The following PITPNA variants were observed in gnomAD, a reference collection of about 807,000 sequenced individuals.
PITPNA encodes the protein phosphatidylinositol transfer protein alpha.
A neutral mutation model predicts 50.3 loss-of-function variants in PITPNA; 13 were observed. That is an observed-to-expected ratio of 0.26 (90% CI 0.17 to 0.41). The LOEUF (loss-of-function observed/expected upper bound fraction) is 0.41, where lower values mean the gene tolerates loss of function less well. PITPNA is among the 10% of genes least tolerant of loss of function. The probability of loss-of-function intolerance (pLI) is 1.00; values close to 1 mark genes in which losing one functional copy is unlikely to be tolerated. For missense variants in PITPNA, 207 were observed against 333.4 expected, an observed-to-expected ratio of 0.62 and a Z score of 2.95; for synonymous variants, 120 against 119.6, an observed-to-expected ratio of 1.00 and a Z score of -0.02.
At chr17:1,535,366 C>T in intron 8 of PITPNA, 74 bp from the exon 9 acceptor site, 1 of 1,501,540 alleles carries the variant, frequency 6.7e-7, no homozygotes. Flanking sequence ...CTCACCCCAG[C>T]CATGCCCCTC....
intron 3 of PITPNA, among the ~76,000 whole-genome samples, chr17:1,552,118 G>A (rs966443636): frequency 1.3e-5 from 2 of 152,224 alleles, no homozygotes; most frequent in African/African-American, 4.8e-5. Flanking sequence ...AAAGTCAATT[G>A]ATTTCAGTTC....
At chr17:1,554,172 C>A (rs1399745093) in intron 2 of PITPNA, among the ~76,000 whole-genome samples, 1 of 152,124 alleles carries the variant, frequency 6.6e-6, no homozygotes, top group East Asian at 1.9e-4. Flanking sequence ...AGAAAATGAA[C>A]AGCAACATTT....
rs528688036 is a variant in PITPNA at position 1,524,068 on chromosome 17, G to A, written c.769-2423C>T. ...TTCTTTTTTTTTTTTTTTTTGAGACGGAGTCTCGCTCAGTCACCCAGGCTG... is the reference window on the plus strand; with the variant it reads ...TTCTTTTTTTTTTTTTTTTTGAGACAGAGTCTCGCTCAGTCACCCAGGCTG... On this transcript the variant is annotated intron_variant, in intron 10 of 11. Transcript: ENST00000313486. Among the ~76,000 whole-genome samples the A allele has an allele frequency of 9.6e-5, 14 of 145,902 alleles. No individual in the cohort carries two copies. In the East Asian group the frequency reaches 2.0e-3, roughly 21 times the overall value.
intron 4 of PITPNA, among the ~76,000 whole-genome samples, chr17:1,546,980 C>A (rs1327789067): frequency 6.6e-6 from 1 of 152,080 alleles, no homozygotes; most frequent in East Asian, 1.9e-4. Flanking sequence ...GAATACTATG[C>A]AGCTATTATA....
At chr17:1,541,899 A>C in intron 5 of PITPNA, 1 of 564,632 alleles carries the variant, frequency 1.8e-6, no homozygotes, top group Non-Finnish European at 3.5e-6. Context: ...AGGTGACTTA[A>C]CCAAAGTCAC....
rs1287134477 is a variant in PITPNA at position 1,519,241 on chromosome 17, C to G, written c.*1320G>C. 2 of 152,356 alleles carry G rather than the reference C, an allele frequency of 1.3e-5. No homozygotes were observed. Among genetic ancestry groups the G allele is most frequent in the African/African-American group, 4.8e-5 (2 of 41,454 alleles). 9.4% of individuals were successfully genotyped at this position (152,356 alleles called of 1,614,324 possible). A position where few individuals can be genotyped will look rare whatever the true frequency, so the allele number is the denominator to read the frequency against. ...AGGCTAGTGTGGGCTGGGATCACGG[C>G]ACACTTAGGCCAACGTGCTTCACAA... On this transcript the variant is annotated 3_prime_UTR_variant, in exon 12 of 12. Coordinates refer to ENST00000313486, the MANE Select transcript of PITPNA (RefSeq NM_006224.4).
chr17:1,527,527 C>G (rs1459824063), intron 10 of PITPNA, among the ~76,000 whole-genome samples: 2 of 152,304 alleles, frequency 1.3e-5, no homozygotes, highest in East Asian at 3.9e-4. Context: ...CAGGTGTGAG[C>G]CACCGTGCCC....
At chr17:1,525,522 T>G (rs2151002498) in intron 10 of PITPNA, among the ~76,000 whole-genome samples, 1 of 148,820 alleles carries the variant, frequency 6.7e-6, no homozygotes, top group African/African-American at 2.5e-5. Flanking sequence ...TTTTTTTTTT[T>G]TTTTTTGAGA....
At chr17:1,541,916 C>T (rs998312554) in intron 5 of PITPNA, 29 of 545,180 alleles carry the variant, frequency 5.3e-5, no homozygotes, top group African/African-American at 2.6e-4. Context: ...TCACAGAGAT[C>T]GGGCCAGGCA....
In PITPNA at chr17:1,548,517, G is replaced by A. The variant is rs1598411309; in HGVS notation, c.198-130C>T. ...CATGCAATGAGCAGGTTACTGGTGGGAGTGAGAAGTTACGTATGAGAGCCT... is the reference window on the plus strand; with the variant it reads ...CATGCAATGAGCAGGTTACTGGTGGAAGTGAGAAGTTACGTATGAGAGCCT... On this transcript the variant is annotated intron_variant, in intron 3 of 11. Transcript: ENST00000313486. 5 of 631,084 alleles carry A rather than the reference G, an allele frequency of 7.9e-6. No individual in the cohort carries two copies. The East Asian group carries it at 1.5e-4, about 19-fold the overall frequency. 39.1% of individuals were successfully genotyped at this position (631,084 alleles called of 1,614,324 possible).
chr17:1,539,862 G>A (rs1206955866), intron 6 of PITPNA, among the ~76,000 whole-genome samples: 2 of 152,214 alleles, frequency 1.3e-5, no homozygotes, highest in Non-Finnish European at 2.9e-5. Flanking sequence ...TCAGCTTCCC[G>A]AGTATCTGGG....
intron 10 of PITPNA, among the ~76,000 whole-genome samples, chr17:1,532,083 CTTTTCT>C (rs2075586229): frequency 6.6e-6 from 1 of 152,040 alleles, no homozygotes; most frequent in Non-Finnish European, 1.5e-5. Context: ...GAAAGATTTT[CTTTTCT>C]TTTTCTTTTT....
chr17:1,541,877 T>C, intron 5 of PITPNA: 1 of 611,052 alleles, frequency 1.6e-6, no homozygotes, highest in South Asian at 1.5e-5. Flanking sequence ...ACAGATGAGG[T>C]TCAAAGAGGT....
chr17:1,521,873 CTTTTTTTTT>C (rs869029944), intron 10 of PITPNA, among the ~76,000 whole-genome samples: 1 of 121,852 alleles, frequency 8.2e-6, no homozygotes, highest in Non-Finnish European at 1.7e-5. Flanking sequence ...TTTGAAGCAC[CTTTTTTTTT>C]TTTTTTTTTT....
chr17:1,543,438 T>C (rs1381270220), intron 4 of PITPNA, among the ~76,000 whole-genome samples: 1 of 152,126 alleles, frequency 6.6e-6, no homozygotes, highest in Non-Finnish European at 1.5e-5. Context: ...CCATGCACTG[T>C]ATCTGCCTCC....
chr17:1,532,699 A>G (rs2075591840), intron 10 of PITPNA, among the ~76,000 whole-genome samples: 1 of 152,116 alleles, frequency 6.6e-6, no homozygotes, highest in Admixed American at 6.5e-5. Flanking sequence ...GGGTGACCAA[A>G]AGCCTCAGGC....
intron 10 of PITPNA, among the ~76,000 whole-genome samples, chr17:1,523,820 TTTTTA>T (rs2075529378): frequency 6.6e-6 from 1 of 150,880 alleles, no homozygotes; most frequent in Admixed American, 6.6e-5. Context: ...CCTGGCTGAT[TTTTTA>T]TTTTTTCGGT....
At chr17:1,546,552 G>C (rs970028134) in intron 4 of PITPNA, among the ~76,000 whole-genome samples, 1 of 152,202 alleles carries the variant, frequency 6.6e-6, no homozygotes, top group Non-Finnish European at 1.5e-5. Flanking sequence ...AAGAAAGCAA[G>C]TGCAGGAGGA....
At chr17:1,534,630 G>A (rs911661776) in intron 9 of PITPNA, among the ~76,000 whole-genome samples, 2 of 152,186 alleles carry the variant, frequency 1.3e-5, no homozygotes, top group African/African-American at 4.8e-5. Flanking sequence ...ACATGTCGGA[G>A]GATTAAAAGG....
Sources: allele counts gnomAD v4.1 joint callset (sites outside exome capture counted in the v4.1 genomes callset), GRCh38; gene constraint gnomAD v4.1.1; transcripts MANE v1.5; gene names NCBI Gene and HGNC (gene_info 2026-07-23, HGNC 2026-07-21).